SLC9B1: variants seen among roughly 807,000 people sequenced by gnomAD.
SLC9B1 encodes solute carrier family 9 member B1.
Under a neutral mutation model 51.7 loss-of-function variants are expected in SLC9B1, and 32 were observed. The observed-to-expected ratio is 0.62, with a 90% CI of 0.47 to 0.83. SLC9B1 has a LOEUF of 0.83. Ranked by LOEUF, SLC9B1 falls within the 40% of genes least tolerant of loss-of-function variation. SLC9B1 has a pLI of 0.00. For synonymous variants in SLC9B1, 145 were observed against 212.7 expected (o/e 0.68, Z 2.77); for missense variants, 406 against 613.2 (o/e 0.66, Z 3.57).
chr4:102,978,716 G>A (rs535213157), intron 3 of SLC9B1, among the ~76,000 whole-genome samples: 1 of 152,290 alleles, frequency 6.6e-6, no homozygotes, highest in Admixed American at 6.5e-5. Flanking sequence ...ACTGTTGGTG[G>A]GAGTGTAAAC....
intron 1 of SLC9B1, among the ~76,000 whole-genome samples, chr4:102,993,950 G>A (rs903278841): frequency 1.3e-5 from 2 of 152,192 alleles, no homozygotes; most frequent in African/African-American, 4.8e-5. Context: ...GCTGCATAGA[G>A]CAGGGTGACC....
intron 7 of SLC9B1, among the ~76,000 whole-genome samples, chr4:102,914,126 G>A (rs1440971712): frequency 1.3e-5 from 2 of 151,732 alleles, no homozygotes; most frequent in African/African-American, 4.8e-5. Flanking sequence ...CATCAGGTTG[G>A]AGATGAAATC....
intron 11 of SLC9B1, chr4:102,890,486 C>T (rs1390583583): frequency 6.6e-6 from 1 of 152,130 alleles, no homozygotes; most frequent in Non-Finnish European, 1.5e-5. Flanking sequence ...GTTGTGGCAG[C>T]ATAACCAATC....
chr4:102,924,100 A>T (rs1396474166), intron 7 of SLC9B1, among the ~76,000 whole-genome samples: 1 of 152,164 alleles, frequency 6.6e-6, no homozygotes, highest in Non-Finnish European at 1.5e-5. Context: ...CATTGCCAAG[A>T]CAGTCTTAAG....
chr4:102,989,258 G>A (rs1340899902), intron 3 of SLC9B1, among the ~76,000 whole-genome samples: 1 of 151,692 alleles, frequency 6.6e-6, no homozygotes, highest in Non-Finnish European at 1.5e-5. Flanking sequence ...TATACTTCTG[G>A]AAGCCAAAAT....
At chr4:103,007,525 A>G (rs182449030) in intron 1 of SLC9B1, among the ~76,000 whole-genome samples, 1 of 152,216 alleles carries the variant, frequency 6.6e-6, no homozygotes, top group Admixed American at 6.5e-5. Flanking sequence ...CTATAAATGC[A>G]TAACAGCCTT....
intron 1 of SLC9B1, among the ~76,000 whole-genome samples, chr4:102,992,013 T>C (rs1739968032): frequency 6.6e-6 from 1 of 152,168 alleles, no homozygotes; most frequent in Admixed American, 6.5e-5. Context: ...AAATTTATTT[T>C]ATGCACTGAA....
chr4:102,976,126 T>C (rs1386086574), intron 3 of SLC9B1, among the ~76,000 whole-genome samples: 1 of 152,160 alleles, frequency 6.6e-6, no homozygotes, highest in African/African-American at 2.4e-5. Context: ...AGAGTGATCA[T>C]TGGTGTCAAA....
At chr4:102,992,048 C>CT (rs1203586762) in intron 1 of SLC9B1, among the ~76,000 whole-genome samples, 1 of 152,112 alleles carries the variant, frequency 6.6e-6, no homozygotes, top group African/African-American at 2.4e-5. Context: ...TTAATATCCA[C>CT]TGTTGATTTA....
intron 1 of SLC9B1, among the ~76,000 whole-genome samples, chr4:103,009,437 CCTCTA>C (rs1443770021): frequency 6.6e-6 from 1 of 152,186 alleles, no homozygotes; most frequent in Non-Finnish European, 1.5e-5. Context: ...TCACCTCTCT[CCTCTA>C]AAGAAAGGTA....
At chr4:102,998,528 G>A (rs1421700526) in intron 1 of SLC9B1, among the ~76,000 whole-genome samples, 1 of 151,684 alleles carries the variant, frequency 6.6e-6, no homozygotes, top group African/African-American at 2.4e-5. Context: ...ATTCTATTTG[G>A]TATATACCTG....
chr4:102,911,521 G>A lies in SLC9B1; in HGVS notation c.846C>T (p.Asn282=), dbSNP rs1350249876. The A allele has an allele frequency of 1.0e-5, 16 of 1,594,776 alleles. No homozygotes were observed. Among genetic ancestry groups the A allele is most frequent in the African/African-American group, 2.7e-5 (2 of 74,650 alleles). Residue 282 remains asparagine (N), a synonymous_variant, in exon 8 of 12, where the codon AAC becomes AAT. Transcript: ENST00000296422. Reference sequence around the variant, plus strand: ...ATACGTTCCTTATAGAGGCTATGGCGTTATTAAGTATACCACCTGTAGGGG... The same window carrying A: ...ATACGTTCCTTATAGAGGCTATGGCATTATTAAGTATACCACCTGTAGGGG... ...IVFSSGGILN[N]AIASIRNVCI... is the part of the protein sequence containing the mutation.
intron 9 of SLC9B1, among the ~76,000 whole-genome samples, chr4:102,907,120 C>T (rs752603424): frequency 6.6e-6 from 1 of 152,154 alleles, no homozygotes; most frequent in African/African-American, 2.4e-5. Context: ...TATTCAAACA[C>T]TTAGGTAGAA....
chr4:102,977,381 A>G (rs183297757), intron 3 of SLC9B1, among the ~76,000 whole-genome samples: 94 of 152,150 alleles, frequency 6.2e-4, no homozygotes, highest in Non-Finnish European at 1.2e-3. Flanking sequence ...GATACTTTTG[A>G]CTACACTGGT....
In SLC9B1 at chr4:102,974,244, A is replaced by AAAAT. The variant is rs1553986442; in HGVS notation, c.211+15555_211+15556insATTT. Among the ~76,000 whole-genome samples, 20 of 122,216 alleles carry AAAAT rather than the reference A, an allele frequency of 1.6e-4. 1 individual carries two copies. Among genetic ancestry groups the AAAAT allele is most frequent in the African/African-American group, 6.9e-4 (19 of 27,682 alleles). The allele number at this position is 122,216 out of a possible 152,430, so 80.2% of individuals were successfully genotyped here. ...AGAGCAAGACTCTGTCTAAAATTGAAAAAAAAAAAAAAAAAAAAAAAATCG... is the reference window on the plus strand; with the variant it reads ...AGAGCAAGACTCTGTCTAAAATTGAAAAATAAAAAAAAAAAAAAAAAAAAAATCG... On this transcript the variant is annotated intron_variant, in intron 3 of 11. Coordinates refer to ENST00000296422, the MANE Select transcript of SLC9B1 (RefSeq NM_139173.4).
At chr4:102,902,089 A>G (rs1305347520) in intron 11 of SLC9B1, among the ~76,000 whole-genome samples, 1 of 152,172 alleles carries the variant, frequency 6.6e-6, no homozygotes, top group Non-Finnish European at 1.5e-5. Context: ...TCGTTTTAGA[A>G]TGACTGTACT....
At chr4:102,985,287 T>C (rs938780201) in intron 3 of SLC9B1, among the ~76,000 whole-genome samples, 12 of 152,352 alleles carry the variant, frequency 7.9e-5, no homozygotes, top group African/African-American at 1.9e-4. Context: ...ATTTAGACCA[T>C]TGACATTTAA....
chr4:102,963,238 G>C (rs563244740), intron 3 of SLC9B1: 45 of 339,406 alleles, frequency 1.3e-4, no homozygotes, highest in South Asian at 7.7e-4. Context: ...CTCAACTCTG[G>C]AGTTATTTCA....
At chr4:102,969,340 C>A (rs1376154144) in intron 3 of SLC9B1, among the ~76,000 whole-genome samples, 1 of 152,176 alleles carries the variant, frequency 6.6e-6, no homozygotes, top group Admixed American at 6.5e-5. Flanking sequence ...TGGTGACACC[C>A]AGGCAAACAG....
Sources: gnomAD v4.1 joint callset for allele counts (sites outside exome capture counted in the v4.1 genomes callset) on GRCh38, gnomAD v4.1.1 for gene constraint, MANE v1.5 for transcripts, NCBI Gene and HGNC (gene_info 2026-07-23, HGNC 2026-07-21) for gene names.